KIF5C: variants seen among roughly 807,000 people sequenced by gnomAD.
The protein encoded by KIF5C is kinesin heavy chain isoform 5C.
In KIF5C, 18 loss-of-function variants were observed where a neutral mutation model predicts 125.2. That is an observed-to-expected ratio of 0.14 (90% CI 0.10 to 0.21). The LOEUF (loss-of-function observed/expected upper bound fraction) is 0.21. KIF5C is among the 10% of genes least tolerant of loss of function. The pLI, the probability that KIF5C is intolerant of heterozygous loss-of-function variation, is 1.00. For synonymous variants in KIF5C, 405 were observed against 434.0 expected, an observed-to-expected ratio of 0.93 and a Z score of 0.83; for missense variants, 780 against 1,183.8, an observed-to-expected ratio of 0.66 and a Z score of 5.01.
intron 1 of KIF5C, among the ~76,000 whole-genome samples, chr2:148,880,971 T>C (rs999692120): frequency 9.9e-5 from 15 of 151,136 alleles, no homozygotes; most frequent in Non-Finnish European, 1.8e-4. Context: ...TTTTTTTTTT[T>C]CAAGTTGCTG....
At chr2:148,931,641 T>A (rs1682187896) in intron 3 of KIF5C, among the ~76,000 whole-genome samples, 1 of 152,106 alleles carries the variant, frequency 6.6e-6, no homozygotes, top group Non-Finnish European at 1.5e-5. Flanking sequence ...CCAGCCTGGG[T>A]GACAGAACAA....
Position 148,932,570 on chromosome 2 carries a change from G to C in KIF5C, c.291+3216G>C, listed in dbSNP as rs139563587. Among the ~76,000 whole-genome samples the C allele has an allele frequency of 3.2e-3, 484 of 152,310 alleles. 3 individuals carry two copies. Among genetic ancestry groups the C allele is most frequent in the African/African-American group, 0.011 (445 of 41,566 alleles). On this transcript the variant is annotated intron_variant, in intron 3 of 25. Transcript: ENST00000435030. ...CACAGGGGGTTCCAGCTCCAGCTGA[G>C]GAAAAAGAGACTGTTCTTTTGTTCT...
chr2:148,898,321 C>A (rs1680745746), intron 1 of KIF5C, among the ~76,000 whole-genome samples: 1 of 152,150 alleles, frequency 6.6e-6, no homozygotes, highest in Admixed American at 6.5e-5. Flanking sequence ...AATGCAGAGG[C>A]CACAGAGCCC....
chr2:149,007,415 C>T (rs959623101), intron 22 of KIF5C, among the ~76,000 whole-genome samples: 2 of 152,112 alleles, frequency 1.3e-5, no homozygotes, highest in African/African-American at 4.8e-5. Flanking sequence ...CAAGAATTTA[C>T]CCAGCACCCG....
Position 148,875,575 on chromosome 2 carries a change from G to GCCCC in KIF5C, c.-40_-37dup. 1.6e-4 allele frequency: 115 copies of GCCCC among 699,496 alleles called. No individual in the cohort carries two copies. Among genetic ancestry groups the GCCCC allele is most frequent in the Admixed American group, 8.3e-4 (38 of 46,052 alleles). 43.3% of individuals were successfully genotyped at this position (699,496 alleles called of 1,614,324 possible). A position where few individuals can be genotyped will look rare whatever the true frequency, so the allele number is the denominator to read the frequency against. The stretch of plus-strand genomic sequence containing the variant: ...TCCTCCCTCGTCGTTCCCGGCCCCG[G>GCCCC]CCCCCCACCCATCCCCGTGCCCCCT... On this transcript the variant is annotated 5_prime_UTR_variant, in exon 1 of 26. Transcript: ENST00000435030.
rs192007394 is a variant in KIF5C at position 148,983,782 on chromosome 2, T to C, written c.1716+16T>C. On this transcript the variant is annotated intron_variant, in intron 15 of 25. Coordinates refer to ENST00000435030, the MANE Select transcript of KIF5C (RefSeq NM_004522.3). ...TGTGAAAACTGTAAGCCAGCCCTTC[T>C]TTTATCCTCTCTACCTGCTCCTGTC... 1.9e-6 allele frequency: 3 copies of C among 1,586,688 alleles called. No homozygotes were observed. The highest frequency in any genetic ancestry group is 2.2e-5 in the East Asian group (1 of 44,616).
At chr2:149,018,624 T>C (rs936199860) in intron 25 of KIF5C, among the ~76,000 whole-genome samples, 2 of 152,174 alleles carry the variant, frequency 1.3e-5, no homozygotes, top group African/African-American at 2.4e-5. Context: ...AGGCCAGGCG[T>C]TTGAAACCAG....
chr2:149,023,373 C>T lies in KIF5C; in HGVS notation c.*303C>T, dbSNP rs76209131. 950 of 152,732 alleles carry T rather than the reference C, an allele frequency of 6.2e-3. 7 individuals carry two copies. The highest frequency in any genetic ancestry group is 0.037 in the Middle Eastern group (11 of 294). The allele number at this position is 152,732 out of a possible 1,614,324, so 9.5% of individuals were successfully genotyped here. On this transcript the variant is annotated 3_prime_UTR_variant, in exon 26 of 26. Transcript: ENST00000435030. ...GTTTCTGGGTGGTTCCTGGAGCCTC[C>T]TCTGGGCAGTGCACTGTCCCATCTG...
intron 17 of KIF5C, among the ~76,000 whole-genome samples, chr2:148,995,739 G>A (rs1048957924): frequency 6.6e-6 from 1 of 152,194 alleles, no homozygotes; most frequent in African/African-American, 2.4e-5. Context: ...ACTATGGCGT[G>A]TTATTTAATA....
intron 11 of KIF5C, among the ~76,000 whole-genome samples, chr2:148,967,542 A>T (rs1194098585): frequency 6.6e-6 from 1 of 152,178 alleles, no homozygotes; most frequent in East Asian, 1.9e-4. Flanking sequence ...TTGTCTGATG[A>T]AGACTGCATG....
chr2:148,941,822 A>G (rs1297386510), intron 5 of KIF5C, 113 bp from the exon 6 acceptor site: 3 of 1,472,352 alleles, frequency 2.0e-6, no homozygotes, highest in African/African-American at 2.8e-5. Flanking sequence ...AAACTTGCAT[A>G]TTGCAAAGAG....
At chr2:148,899,769 C>G (rs957509318) in intron 1 of KIF5C, among the ~76,000 whole-genome samples, 1 of 151,552 alleles carries the variant, frequency 6.6e-6, no homozygotes, top group Non-Finnish European at 1.5e-5. Flanking sequence ...CCAACAGACT[C>G]CTTAAAAATG....
chr2:148,951,649 G>T (rs1314483247), intron 10 of KIF5C, among the ~76,000 whole-genome samples: 1 of 152,152 alleles, frequency 6.6e-6, no homozygotes, highest in African/African-American at 2.4e-5. Context: ...AGAGGGCTGA[G>T]GTTGGATGTG....
rs148884277 is a variant in KIF5C at position 148,941,090 on chromosome 2, A to G, written c.397-520A>G. Reference sequence around the variant, plus strand: ...GTCTAACCATCTTTTATCAAGTCCCATTTTGTTCAGATCTTTCCTGGATGC... The same window carrying G: ...GTCTAACCATCTTTTATCAAGTCCCGTTTTGTTCAGATCTTTCCTGGATGC... On this transcript the variant is annotated intron_variant, in intron 4 of 25. Coordinates refer to ENST00000435030, the MANE Select transcript of KIF5C (RefSeq NM_004522.3). Among the ~76,000 whole-genome samples, 1,205 of 152,256 alleles carry G rather than the reference A, an allele frequency of 7.9e-3. 32 individuals are homozygous for G. Among genetic ancestry groups the G allele is most frequent in the East Asian group, 0.055 (286 of 5,192 alleles).
chr2:148,922,150 A>G lies in KIF5C; in HGVS notation c.140A>G (p.Tyr47Cys). 1 of 1,608,012 alleles carries G rather than the reference A, an allele frequency of 6.2e-7. No individual in the cohort carries two copies. The highest frequency in any genetic ancestry group is 8.5e-7 in the Non-Finnish European group (1 of 1,177,184). ...TTTCTTTTTTAGCAAGGGAAGCCAT[A>G]TGTCTTCGACAGAGTGCTACCTCCC... Reference protein sequence around the residue: ...ETVVIGQGKPYVFDRVLPPNT... With the variant: ...ETVVIGQGKPCVFDRVLPPNT... The change falls in exon 2 of 26, where the codon TAT becomes TGT. Residue 47 changes from tyrosine to cysteine, a missense_variant. This residue lies in a region of KIF5C where 207 missense variants were observed against 441.2 expected (regional missense o/e 0.47). Transcript: ENST00000435030.
intron 11 of KIF5C, among the ~76,000 whole-genome samples, chr2:148,963,984 G>A (rs1015555933): frequency 6.6e-6 from 1 of 151,992 alleles, no homozygotes; most frequent in South Asian, 2.1e-4. Flanking sequence ...GTCACTCTTC[G>A]AACACCTTGC....
At chr2:148,980,497 G>A (rs547493079) in intron 13 of KIF5C, among the ~76,000 whole-genome samples, 2 of 152,076 alleles carry the variant, frequency 1.3e-5, no homozygotes, top group African/African-American at 4.8e-5. Context: ...ACTGTTTGGG[G>A]TACATCCTTC....
In KIF5C at chr2:149,011,627, T is replaced by G; in HGVS notation, c.2825T>G (p.Ile942Ser). Residue 942 changes from isoleucine to serine, a missense_variant, in exon 25 of 26, where the codon ATT (isoleucine) becomes AGT (serine). Transcript: ENST00000435030. ...TCATCTCCAACGGCCGTCCATGCCA[T>G]TCGAGGGGGAGGAGGCAGCTCTTCA... is the stretch of plus-strand genomic sequence containing the variant. ...PASSPTAVHA[I>S]RGGGGSSSNS... is the part of the protein sequence containing the mutation. The G allele has an allele frequency of 6.2e-7, 1 of 1,614,070 alleles. No homozygotes were observed.
At position 149,025,155 on chromosome 2, in the gene KIF5C, G is replaced by A. The variant is rs1008803376; in HGVS notation, c.*2085G>A. Reference sequence around the variant, plus strand: ...CTAAAGAATTGCTTGGCACTTTCATGTTTCAAAGGGAAACATTCGCTTGTA... The same window carrying A: ...CTAAAGAATTGCTTGGCACTTTCATATTTCAAAGGGAAACATTCGCTTGTA... On this transcript the variant is annotated 3_prime_UTR_variant, in exon 26 of 26. Transcript: ENST00000435030. 4 of 152,666 alleles carry A rather than the reference G, an allele frequency of 2.6e-5. No individual in the cohort carries two copies. The highest frequency in any genetic ancestry group is 2.1e-4 in the South Asian group (1 of 4,820). 9.5% of individuals were successfully genotyped at this position (152,666 alleles called of 1,614,324 possible).
Sources: allele counts gnomAD v4.1 joint callset (sites outside exome capture counted in the v4.1 genomes callset), GRCh38; gene constraint gnomAD v4.1.1; regional missense constraint gnomAD v4.1.1; transcripts MANE v1.5; gene names NCBI Gene and HGNC (gene_info 2026-07-23, HGNC 2026-07-21).